NARF: variants seen among roughly 807,000 people sequenced by gnomAD.
NARF encodes the protein iron-only hydrogenase-like protein 2.
NARF carries 41 observed loss-of-function variants against 48.0 expected under a neutral mutation model. That is an observed-to-expected ratio of 0.85 (90% confidence interval 0.66 to 1.11). NARF has a LOEUF of 1.11. Ranked by LOEUF, NARF falls within the 50% of genes least tolerant of loss-of-function variation. The pLI is 0.00. For missense variants in NARF, 613 were observed against 590.2 expected (o/e 1.04, Z -0.40); for synonymous variants, 215 against 225.5 (o/e 0.95, Z 0.42).
rs1372020456 is a variant in NARF at position 82,490,525 on chromosome 17, C to G, written c.*2368C>G. Reference sequence around the variant, plus strand: ...TTCCAACCTCTGATTCTGGAATAAACAGTTGCAGCGTGTCTGAGTGAATGG... The same window carrying G: ...TTCCAACCTCTGATTCTGGAATAAAGAGTTGCAGCGTGTCTGAGTGAATGG... On this transcript the variant is annotated 3_prime_UTR_variant, in exon 11 of 11. Coordinates refer to ENST00000309794, the MANE Select transcript of NARF (RefSeq NM_012336.4). 6.6e-6 allele frequency: 1 copy of G among 152,286 alleles called. No homozygotes were observed. The highest frequency in any genetic ancestry group is 1.5e-5 in the Non-Finnish European group (1 of 68,052). The allele number at this position is 152,286 out of a possible 1,614,324, so 9.4% of individuals were successfully genotyped here.
intron 7 of NARF, among the ~76,000 whole-genome samples, chr17:82,481,506 A>G (rs1466159263): frequency 6.6e-6 from 1 of 152,128 alleles, no homozygotes; most frequent in African/African-American, 2.4e-5. Context: ...AGGCAGGTGG[A>G]TCACCTGAGG....
intron 5 of NARF, chr17:82,476,595 C>T (rs1166718142): frequency 2.0e-5 from 3 of 152,220 alleles, no homozygotes; most frequent in Non-Finnish European, 1.5e-5. Flanking sequence ...AGGCATGCAC[C>T]ACCACGCCTG....
intron 10 of NARF, among the ~76,000 whole-genome samples, chr17:82,486,894 A>G (rs1209540755): frequency 5.3e-5 from 8 of 152,192 alleles, no homozygotes; most frequent in Admixed American, 4.6e-4. Context: ...AGTAGCATTA[A>G]TAGATAGGAG....
intron 2 of NARF, 165 bp from the exon 3 acceptor site, chr17:82,464,122 C>T (rs2043503352): frequency 1.2e-6 from 1 of 810,458 alleles, no homozygotes; most frequent in Non-Finnish European, 1.9e-6. Flanking sequence ...TTGAGCTGCT[C>T]AGTGGCAGAG....
chr17:82,478,709 G>C (rs765648320), intron 5 of NARF, 91 bp from the exon 6 acceptor site: 1 of 1,277,430 alleles, frequency 7.8e-7, no homozygotes, highest in African/African-American at 1.5e-5. Flanking sequence ...ACCCTGGGGC[G>C]GCAGGGACTC....
At chr17:82,474,579 T>G (rs1382114503) in intron 5 of NARF, among the ~76,000 whole-genome samples, 1 of 152,238 alleles carries the variant, frequency 6.6e-6, no homozygotes, top group Non-Finnish European at 1.5e-5. Flanking sequence ...GTATAATTTT[T>G]AGGGTTTGGT....
chr17:82,460,022 C>T lies in NARF; in HGVS notation c.58C>T (p.Gln20Ter). 6.2e-7 allele frequency: 1 copy of T among 1,613,646 alleles called. No homozygotes were observed. The highest frequency in any genetic ancestry group is 8.5e-7 in the Non-Finnish European group (1 of 1,179,828). ...TAGTAAGAAAACAAAAACTGATGACCAAGAGAATGTGTCAGCCGATGCACC... is the reference window on the plus strand; with the variant it reads ...TAGTAAGAAAACAAAAACTGATGACTAAGAGAATGTGTCAGCCGATGCACC... The part of the protein sequence containing the change: ...ECSKKTKTDD[Q>*]ENVSADAPSP... The change falls in exon 2 of 11, where the codon CAA becomes TAA. Residue 20 changes from glutamine (Q) to a stop codon, truncating the protein, a stop_gained. Transcript: ENST00000309794. LOFTEE classifies it high-confidence loss of function.
chr17:82,460,172 A>G, intron 2 of NARF, 100 bp downstream of exon 2: 1 of 1,036,650 alleles, frequency 9.6e-7, no homozygotes, highest in Non-Finnish European at 1.4e-6. Context: ...TGCTTTAAAG[A>G]AGACTGAAGT....
At chr17:82,471,251 T>A (rs7222259) in intron 4 of NARF, among the ~76,000 whole-genome samples, 2 of 147,334 alleles carry the variant, frequency 1.4e-5, no homozygotes, top group East Asian at 4.0e-4. Flanking sequence ...GTCAGGAGAT[T>A]GAGACCATCC....
chr17:82,464,432 T>A lies in NARF; in HGVS notation c.252+2T>A, dbSNP rs1336743488. 6.2e-7 allele frequency: 1 copy of A among 1,609,874 alleles called. No individual in the cohort carries two copies. Among genetic ancestry groups the A allele is most frequent in the Non-Finnish European group, 8.5e-7 (1 of 1,177,366 alleles). ...TTCCGCGTTCTGAACCTTAACAAGG[T>A]AAGGCATTCGGGGCATTTGCTGATG... On this transcript the variant is annotated splice_donor_variant, in intron 3 of 10. Coordinates refer to ENST00000309794, the MANE Select transcript of NARF (RefSeq NM_012336.4). LOFTEE classifies it high-confidence loss of function.
upstream of NARF, chr17:82,458,699 TCGGGGGAGG>T (rs2043345842): frequency 2.2e-6 from 3 of 1,379,702 alleles, no homozygotes; most frequent in African/African-American, 3.0e-5. Flanking sequence ...TGAGGCCGCG[TCGGGGGAGG>T]ACAACAAAGG....
Position 82,483,788 on chromosome 17 carries a change from C to T in NARF, c.833+9C>T, listed in dbSNP as rs1317392236. ...GCTGCCGTCGACACTCTGTAAGTGGCTTCTCTGGGGAGAGTCCTCTGGGGG... is the reference window on the plus strand; with the variant it reads ...GCTGCCGTCGACACTCTGTAAGTGGTTTCTCTGGGGAGAGTCCTCTGGGGG... On this transcript the variant is annotated intron_variant, in intron 8 of 10. Coordinates refer to ENST00000309794, the MANE Select transcript of NARF (RefSeq NM_012336.4). The T allele has an allele frequency of 1.2e-6, 2 of 1,613,052 alleles. No individual in the cohort carries two copies. Among genetic ancestry groups the T allele is most frequent in the Non-Finnish European group, 1.7e-6 (2 of 1,179,820 alleles).
intron 7 of NARF, chr17:82,483,196 G>C (rs150539091): frequency 9.7e-5 from 31 of 320,036 alleles, no homozygotes; most frequent in African/African-American, 6.9e-4. Flanking sequence ...GTGCACACCT[G>C]TAATCACAGC....
intron 5 of NARF, among the ~76,000 whole-genome samples, chr17:82,476,393 C>T (rs1158814178): frequency 5.9e-5 from 9 of 152,150 alleles, no homozygotes; most frequent in Non-Finnish European, 7.3e-5. Context: ...CCGCCTGCCT[C>T]GGCCTCCCAA....
chr17:82,480,582 C>T lies in NARF; in HGVS notation c.640-500C>T, dbSNP rs1344311212. ...AGGGGATGGGAGCCAGATGTGGCTACAGCACTTTCATCTGTGGGGCCCGGC... is the reference window on the plus strand; with the variant it reads ...AGGGGATGGGAGCCAGATGTGGCTATAGCACTTTCATCTGTGGGGCCCGGC... On this transcript the variant is annotated intron_variant, in intron 6 of 10. Coordinates refer to ENST00000309794, the MANE Select transcript of NARF (RefSeq NM_012336.4). 164 of 408,632 alleles carry T rather than the reference C, an allele frequency of 4.0e-4. No individual in the cohort carries two copies. In the East Asian group the frequency reaches 5.8e-3, roughly 14 times the overall value. 25.3% of individuals were successfully genotyped at this position (408,632 alleles called of 1,614,324 possible).
intron 5 of NARF, among the ~76,000 whole-genome samples, chr17:82,476,112 A>G (rs945120008): frequency 3.3e-5 from 5 of 151,744 alleles, no homozygotes; most frequent in African/African-American, 1.2e-4. Flanking sequence ...GGTTCAAGTG[A>G]TTCTCCCAAC....
At position 82,485,561 on chromosome 17, in the gene NARF, G is replaced by C. The variant is rs746084092; in HGVS notation, c.1036G>C (p.Ala346Pro). ...NGEVVLRFAAAYGFRNIQNMI... is the reference protein window; with the variant it reads ...NGEVVLRFAAPYGFRNIQNMI... ...AGAGGTGGTGTTACGCTTTGCTGCA[G>C]CCTATGGCTTTCGAAACATCCAGAA... is the stretch of plus-strand genomic sequence containing the variant. The change falls in exon 10 of 11, where the codon GCC becomes CCC. Residue 346 changes from alanine to proline, a missense_variant. By Grantham distance (27) the Ala-to-Pro change is conservative. Transcript: ENST00000309794. 1.2e-6 allele frequency: 2 copies of C among 1,614,258 alleles called. No individual in the cohort carries two copies. The highest frequency in any genetic ancestry group is 1.7e-6 in the Non-Finnish European group (2 of 1,180,052).
chr17:82,484,273 C>T, intron 8 of NARF: 1 of 159,736 alleles, frequency 6.3e-6, no homozygotes, highest in Non-Finnish European at 1.4e-5. Context: ...GGGCAGAGAG[C>T]ACCACAAAGG....
chr17:82,485,675 C>G (rs753495558), intron 10 of NARF, 21 bp downstream of exon 10: 5 of 1,612,842 alleles, frequency 3.1e-6, no homozygotes, highest in African/African-American at 1.3e-5. Flanking sequence ...AAGAGCAGCA[C>G]CTGGCTCTGT....
Sources: gnomAD v4.1 joint callset for allele counts (sites outside exome capture counted in the v4.1 genomes callset) on GRCh38, gnomAD v4.1.1 for gene constraint, MANE v1.5 for transcripts, NCBI Gene and HGNC (gene_info 2026-07-23, HGNC 2026-07-21) for gene names.